The following RNF10 variants were observed in gnomAD, a reference collection of about 807,000 sequenced individuals.
RNF10 encodes the protein ring finger protein 10, also known as E3 ubiquitin-protein ligase RNF10.
RNF10 carries 38 observed loss-of-function variants against 91.4 expected under a neutral mutation model. That is an observed-to-expected ratio of 0.42 (90% CI 0.32 to 0.54). RNF10 has a LOEUF of 0.54. Ranked by LOEUF, RNF10 falls within the 20% of genes least tolerant of loss-of-function variation. The probability of loss-of-function intolerance (pLI) is 0.16; values close to 1 mark genes in which losing one functional copy is unlikely to be tolerated. For synonymous variants in RNF10, 364 were observed against 366.3 expected, an observed-to-expected ratio of 0.99 and a Z score of 0.07; for missense variants, 945 against 1,012.0, an observed-to-expected ratio of 0.93 and a Z score of 0.90.
chr12:120,552,384 A>G, intron 2 of RNF10, 115 bp from the exon 3 acceptor site: 2 of 815,190 alleles, frequency 2.5e-6, no homozygotes, highest in Non-Finnish European at 3.8e-6. Flanking sequence ...TGGATGACAG[A>G]GTAAGACTCC....
In RNF10 at chr12:120,577,452, CCT is replaced by C. The variant is rs2137283460; in HGVS notation, c.*790_*791del. 1 of 283,090 alleles carries C rather than the reference CCT, an allele frequency of 3.5e-6. No individual in the cohort carries two copies. Among genetic ancestry groups the C allele is most frequent in the Non-Finnish European group, 6.9e-6 (1 of 144,346 alleles). The allele number at this position is 283,090 out of a possible 1,614,324, so 17.5% of individuals were successfully genotyped here. ...GAAGCGGTAGCATTGCCACCATCTC[CCT>C]CTCATCTAGAGCAGTTTTCTTATGC... On this transcript the variant is annotated 3_prime_UTR_variant, in exon 17 of 17. Transcript: ENST00000325954.
intron 1 of RNF10, among the ~76,000 whole-genome samples, chr12:120,538,268 C>T (rs182716986): frequency 2.2e-4 from 33 of 152,274 alleles, no homozygotes; most frequent in African/African-American, 7.2e-4. Context: ...TTTTCTACCT[C>T]GTGGAAGAAA....
intron 3 of RNF10, 83 bp from the exon 4 acceptor site, chr12:120,554,635 T>C (rs1187700525): frequency 3.6e-6 from 4 of 1,096,734 alleles, no homozygotes; most frequent in Non-Finnish European, 5.6e-6. Flanking sequence ...ATTTGATTTC[T>C]AAGTGAATAG....
chr12:120,558,423 GCAAC>G (rs1308335347), intron 6 of RNF10, among the ~76,000 whole-genome samples: 13 of 151,292 alleles, frequency 8.6e-5, no homozygotes, highest in Non-Finnish European at 1.6e-4. Context: ...TAAATGTTTA[GCAAC>G]TTAAAACATT....
Position 120,575,829 on chromosome 12 carries a change from C to A in RNF10, c.2238C>A (p.Ser746Arg). The change falls in exon 16 of 17, where the codon AGC becomes AGA. Residue 746 changes from serine to arginine, a missense_variant. Ser to Arg is a moderately radical substitution (Grantham distance 110, BLOSUM62 -1). Transcript: ENST00000325954. ...NSLVPPAPVDSDGESDNSDRV... is the reference protein window; with the variant it reads ...NSLVPPAPVDRDGESDNSDRV... The stretch of plus-strand genomic sequence containing the variant: ...TAGTTCCTCCTGCCCCTGTGGACAG[C>A]GACGGGGAGAGTGATAATTCAGACC... 6.2e-7 allele frequency: 1 copy of A among 1,614,146 alleles called. No individual in the cohort carries two copies.
Position 120,534,365 on chromosome 12 carries a change from C to T in RNF10, c.-447C>T. 1 of 167,324 alleles carries T rather than the reference C, an allele frequency of 6.0e-6. No individual in the cohort carries two copies. The highest frequency in any genetic ancestry group is 1.3e-5 in the Non-Finnish European group (1 of 78,534). 10.4% of individuals were successfully genotyped at this position (167,324 alleles called of 1,614,324 possible). A position where few individuals can be genotyped will look rare whatever the true frequency, so the allele number is the denominator to read the frequency against. On this transcript the variant is annotated 5_prime_UTR_variant, in exon 1 of 17. Transcript: ENST00000325954. ...CCGGGTTCTTTGAGATGCTGTTTGG[C>T]GACTCGTCGCCATTCCCGGAGCAGG... is the stretch of plus-strand genomic sequence containing the variant.
rs144013875 is a variant in RNF10 at position 120,560,212 on chromosome 12, C to T, written c.968-514C>T. Among the ~76,000 whole-genome samples, 1,151 of 144,102 alleles carry T rather than the reference C, an allele frequency of 8.0e-3. 16 individuals are homozygous for T. The highest frequency in any genetic ancestry group is 0.029 in the African/African-American group (1,117 of 39,032). 94.5% of individuals were successfully genotyped at this position (144,102 alleles called of 152,430 possible). On this transcript the variant is annotated intron_variant, in intron 6 of 16. Coordinates refer to ENST00000325954, the MANE Select transcript of RNF10 (RefSeq NM_014868.5). ...TGTTGCCCAAGCTGGAATGCAGTGGCATGATCTTGGCTCACTGCGACCTCT... is the reference window on the plus strand; with the variant it reads ...TGTTGCCCAAGCTGGAATGCAGTGGTATGATCTTGGCTCACTGCGACCTCT...
Position 120,576,831 on chromosome 12 carries a change from TAC to T in RNF10, c.*167_*168del. 6 of 826,502 alleles carry T rather than the reference TAC, an allele frequency of 7.3e-6. No homozygotes were observed. Among genetic ancestry groups the T allele is most frequent in the Non-Finnish European group, 1.1e-5 (6 of 539,490 alleles). The allele number at this position is 826,502 out of a possible 1,614,324, so 51.2% of individuals were successfully genotyped here. ...GAGGGGGAACCAAGAAAATTTTAAA[TAC>T]AGTGTATTTTCCAGCTTCCTGTCTT... On this transcript the variant is annotated 3_prime_UTR_variant, in exon 17 of 17. Coordinates refer to ENST00000325954, the MANE Select transcript of RNF10 (RefSeq NM_014868.5).
At chr12:120,546,837 G>A (rs1365978733) in intron 2 of RNF10, among the ~76,000 whole-genome samples, 1 of 152,096 alleles carries the variant, frequency 6.6e-6, no homozygotes, top group East Asian at 1.9e-4. Context: ...CAAATTTGGG[G>A]TTCCTTAATT....
rs1210347374 is a variant in RNF10 at position 120,566,842 on chromosome 12, C to T, written c.1903C>T (p.Pro635Ser). The stretch of plus-strand genomic sequence containing the variant: ...CTTTGCAGACCCAGAAGTCCACATT[C>T]CCCTCGAGAATCTACAGCAGTTTCC... ...KQGKYPEVHI[P>S]LENLQQFPAF... is the part of the protein sequence containing the mutation. Residue 635 changes from proline (P) to serine (S), a missense_variant, in exon 13 of 17, where the codon CCC becomes TCC. Physicochemically the swap from Pro to Ser is moderately conservative, Grantham distance 74. Coordinates refer to ENST00000325954, the MANE Select transcript of RNF10 (RefSeq NM_014868.5). 1.2e-6 allele frequency: 2 copies of T among 1,613,738 alleles called. No homozygotes were observed. Among genetic ancestry groups the T allele is most frequent in the South Asian group, 2.2e-5 (2 of 91,010 alleles).
intron 13 of RNF10, among the ~76,000 whole-genome samples, chr12:120,570,730 G>T (rs1184176826): frequency 6.6e-6 from 1 of 152,182 alleles, no homozygotes. Flanking sequence ...GGATCTTGTT[G>T]ATGTGTCTTG....
intron 12 of RNF10, among the ~76,000 whole-genome samples, chr12:120,566,125 T>C (rs1875655271): frequency 6.6e-6 from 1 of 152,230 alleles, no homozygotes. Context: ...CCATATGGCA[T>C]GGAAACATAC....
chr12:120,536,212 A>T (rs1039754374), intron 1 of RNF10, among the ~76,000 whole-genome samples: 8 of 152,048 alleles, frequency 5.3e-5, no homozygotes, highest in African/African-American at 1.9e-4. Flanking sequence ...GCTTGAGCCC[A>T]GGAGTTTCAC....
intron 6 of RNF10, 52 bp from the exon 7 acceptor site, chr12:120,560,674 C>A: frequency 1.3e-6 from 2 of 1,551,204 alleles, no homozygotes; most frequent in Non-Finnish European, 1.8e-6. Context: ...TTAGCTACAC[C>A]ATCGTGAGCT....
rs550639737 is a variant in RNF10, at chr12:120,540,563, T to C, written c.157+5595T>C. On this transcript the variant is annotated intron_variant, in intron 1 of 16. Coordinates refer to ENST00000325954, the MANE Select transcript of RNF10 (RefSeq NM_014868.5). ...TTTTATCTCTGGGTCCCAGGCCTGA[T>C]GGTACCTTCAACCTTTAGCTGCCTT... is the stretch of plus-strand genomic sequence containing the variant. Among the ~76,000 whole-genome samples, 6 of 152,272 alleles carry C rather than the reference T, an allele frequency of 3.9e-5. No homozygotes were observed. In the Middle Eastern group the frequency reaches 0.014, roughly 345 times the overall value.
Position 120,563,485 on chromosome 12 carries a change from G to A in RNF10, c.1393G>A (p.Glu465Lys). The change falls in exon 9 of 17, where the codon GAG (glutamate) becomes AAG (lysine). Residue 465 changes from glutamate to lysine, a missense_variant. Transcript: ENST00000325954. The part of the protein sequence containing the change: ...VSEPEPEGLP[E>K]ACDDLELADD... ...TGAACCAGAGCCTGAGGGGTTGCCA[G>A]AGGCCTGTGATGACTTGGAGTTAGC... The A allele has an allele frequency of 6.2e-7, 1 of 1,614,204 alleles. No individual in the cohort carries two copies. The highest frequency in any genetic ancestry group is 8.5e-7 in the Non-Finnish European group (1 of 1,180,038).
intron 6 of RNF10, among the ~76,000 whole-genome samples, chr12:120,559,176 C>CTTTTTTTTTTTTTTTTTTTTTTTTTTTT (rs34120761): frequency 3.1e-5 from 3 of 95,804 alleles, no homozygotes; most frequent in African/African-American, 5.5e-5. Flanking sequence ...TTGAACTACT[C>CTTTTTTTTTTTTTTTTTTTTTTTTTTTT]TTTTTTTTTT....
At chr12:120,573,427 T>C (rs1388075851) in intron 14 of RNF10, among the ~76,000 whole-genome samples, 1 of 152,144 alleles carries the variant, frequency 6.6e-6, no homozygotes, top group Admixed American at 6.6e-5. Context: ...TTCTCATGAA[T>C]GGATTCAGGT....
rs147770115 is a variant in RNF10, at chr12:120,557,011, G to T, written c.646-271G>T. Among the ~76,000 whole-genome samples the T allele has an allele frequency of 3.4e-3, 510 of 150,598 alleles. 6 individuals carry two copies. The highest frequency in any genetic ancestry group is 0.012 in the African/African-American group (476 of 40,968). On this transcript the variant is annotated intron_variant, in intron 4 of 16. Transcript: ENST00000325954. ...ACTAAAAAATTAGCTGAGCGTGGTG[G>T]CAGGCGCCTGTAGTCCCAGCTACTC...
Sources: gnomAD v4.1 joint callset for allele counts (sites outside exome capture counted in the v4.1 genomes callset) on GRCh38, gnomAD v4.1.1 for gene constraint, MANE v1.5 for transcripts, NCBI Gene and HGNC (gene_info 2026-07-23, HGNC 2026-07-21) for gene names.